NOVA2: variants seen among roughly 807,000 people sequenced by gnomAD.
The protein encoded by NOVA2 is RNA-binding protein Nova-2.
NOVA2 carries 9 observed loss-of-function variants against 22.5 expected under a neutral mutation model. The ratio of observed to expected loss-of-function variants is 0.40; its 90% CI spans 0.24 to 0.70. The LOEUF is 0.70. Among genes scored for constraint, NOVA2 ranks in the 30% least tolerant of loss-of-function variants. The pLI, the probability that NOVA2 is intolerant of heterozygous loss-of-function variation, is 0.38. For missense variants in NOVA2, 383 were observed against 682.8 expected, an observed-to-expected ratio of 0.56 and a Z score of 4.89; for synonymous variants, 318 against 335.2, an observed-to-expected ratio of 0.95 and a Z score of 0.56.
intron 1 of NOVA2, among the ~76,000 whole-genome samples, chr19:45,966,201 T>G (rs137884474): frequency 6.6e-6 from 1 of 152,308 alleles, no homozygotes; most frequent in African/African-American, 2.4e-5. Flanking sequence ...CTCTAATTCC[T>G]GTCTTTCTCA....
intron 3 of NOVA2, among the ~76,000 whole-genome samples, chr19:45,945,336 T>C (rs761394613): frequency 1.3e-5 from 2 of 152,152 alleles, no homozygotes; most frequent in Non-Finnish European, 2.9e-5. Context: ...AAAGGATTTA[T>C]TTTGAAGGCA....
rs139482457 is a variant in NOVA2 at position 45,948,337 on chromosome 19, T to C, written c.396+5443A>G. Among the ~76,000 whole-genome samples the C allele has an allele frequency of 1.9e-4, 29 of 152,236 alleles. No individual in the cohort carries two copies. In the East Asian group the frequency reaches 3.9e-3, roughly 20 times the overall value. On this transcript the variant is annotated intron_variant, in intron 3 of 3. Transcript: ENST00000263257. ...ATTGTCAGCCGGGCGTGGGGGCTCA[T>C]GCCTGTAATCCCAGAACTTTGGGAG...
chr19:45,945,729 G>A (rs920360648), intron 3 of NOVA2, among the ~76,000 whole-genome samples: 1 of 152,154 alleles, frequency 6.6e-6, no homozygotes, highest in African/African-American at 2.4e-5. Flanking sequence ...ATTTCAGAGA[G>A]TCAAGTGAAC....
rs111991938 is a variant in NOVA2, at chr19:45,954,577, G to A, written c.230-631C>T. On this transcript the variant is annotated intron_variant, in intron 2 of 3. Transcript: ENST00000263257. Reference sequence around the variant, plus strand: ...GAACCCACCAGATGGAGGGCTGAGGGGTGGGGGAGGGCAGGGGTGTGGACA... The same window carrying A: ...GAACCCACCAGATGGAGGGCTGAGGAGTGGGGGAGGGCAGGGGTGTGGACA... Among the ~76,000 whole-genome samples the A allele has an allele frequency of 7.7e-3, 1,175 of 152,102 alleles. 19 individuals carry two copies. The highest frequency in any genetic ancestry group is 0.027 in the African/African-American group (1,127 of 41,452).
chr19:45,963,048 A>G (rs1018158149), intron 1 of NOVA2, among the ~76,000 whole-genome samples: 7 of 151,972 alleles, frequency 4.6e-5, no homozygotes, highest in Non-Finnish European at 7.4e-5. Context: ...ACGTGCCTCC[A>G]GGATGGAAAT....
At position 45,940,599 on chromosome 19, in the gene NOVA2, G is replaced by C; in HGVS notation, c.743C>G (p.Ala248Gly). Residue 248 changes from alanine (A) to glycine (G), a missense_variant, in exon 4 of 4, where the codon GCC (alanine) becomes GGC (glycine). Physicochemically the swap from Ala to Gly is moderately conservative, Grantham distance 60. Coordinates refer to ENST00000263257, the MANE Select transcript of NOVA2 (RefSeq NM_002516.4). ...LPAAAAASAAAASGLLGPAGL... is the reference protein window; with the variant it reads ...LPAAAAASAAGASGLLGPAGL... Reference sequence around the variant, plus strand: ...GGCGGGGCCCAGCAGGCCGGAGGCGGCGGCGGCCGACGCTGCGGCCGCGGC... The same window carrying C: ...GGCGGGGCCCAGCAGGCCGGAGGCGCCGGCGGCCGACGCTGCGGCCGCGGC... 1 of 1,421,922 alleles carries C rather than the reference G, an allele frequency of 7.0e-7. No homozygotes were observed. The highest frequency in any genetic ancestry group is 9.1e-7 in the Non-Finnish European group (1 of 1,100,242). The allele number at this position is 1,421,922 out of a possible 1,614,324, so 88.1% of individuals were successfully genotyped here.
Position 45,973,307 on chromosome 19 carries a change from C to T in NOVA2, c.45G>A (p.Thr15=). 1 of 1,332,546 alleles carries T rather than the reference C, an allele frequency of 7.5e-7. No individual in the cohort carries two copies. The highest frequency in any genetic ancestry group is 9.7e-7 in the Non-Finnish European group (1 of 1,034,390). The allele number at this position is 1,332,546 out of a possible 1,614,324, so 82.5% of individuals were successfully genotyped here. Residue 15 remains threonine, a synonymous_variant, in exon 1 of 4, where the codon ACG becomes ACA. Coordinates refer to ENST00000263257, the MANE Select transcript of NOVA2 (RefSeq NM_002516.4). ...GCTTGGTGCAGACCACCTCGGGGGG[C>T]GTTTCGAGGGGCCTCTTGCGGGAAT... ...APDSRKRPLE[T]PPEVVCTKRS...
At chr19:45,968,501 G>A (rs1246146596) in intron 1 of NOVA2, among the ~76,000 whole-genome samples, 1 of 152,068 alleles carries the variant, frequency 6.6e-6, no homozygotes. Context: ...CTAAGTGAAA[G>A]AAAGGCAGAT....
intron 3 of NOVA2, among the ~76,000 whole-genome samples, chr19:45,952,071 A>G (rs549688909): frequency 3.3e-5 from 5 of 152,268 alleles, no homozygotes; most frequent in African/African-American, 1.2e-4. Context: ...GCTGCACTGT[A>G]ATAAAAGAGA....
Position 45,964,348 on chromosome 19 carries a change from TTGTGTGTGTGTGTGTGTGTG to T in NOVA2, c.86-3215_86-3196del, listed in dbSNP as rs57818599. Among the ~76,000 whole-genome samples the T allele has an allele frequency of 1.7e-3, 201 of 119,570 alleles. 3 individuals carry two copies. The highest frequency in any genetic ancestry group is 5.3e-3 in the African/African-American group (161 of 30,642). 78.4% of individuals were successfully genotyped at this position (119,570 alleles called of 152,430 possible). ...GTGCCCACAACCATGCCCGGCTAAT[TTGTGTGTGTGTGTGTGTGTG>T]TGTGTGTGTGTGTGTGTGTGTGTGT... is the stretch of plus-strand genomic sequence containing the variant. On this transcript the variant is annotated intron_variant, in intron 1 of 3. Transcript: ENST00000263257.
intron 1 of NOVA2, among the ~76,000 whole-genome samples, chr19:45,968,426 T>C (rs1375104094): frequency 6.6e-6 from 1 of 151,966 alleles, no homozygotes; most frequent in Non-Finnish European, 1.5e-5. Context: ...GCAATACAAC[T>C]AGAGTGTGCT....
intron 2 of NOVA2, 47 bp from the exon 3 acceptor site, chr19:45,953,993 G>A (rs1406596163): frequency 2.5e-6 from 4 of 1,580,318 alleles, no homozygotes; most frequent in East Asian, 2.2e-5. Context: ...ACAGGAATGG[G>A]AACATTCCTG....
At chr19:45,961,246 G>T in intron 1 of NOVA2, 93 bp from the exon 2 acceptor site, 2 of 746,028 alleles carry the variant, frequency 2.7e-6, no homozygotes, top group Non-Finnish European at 4.4e-6. Flanking sequence ...GGTCACAGTA[G>T]CAGTATGGAG....
At chr19:45,957,153 G>T (rs1236120314) in intron 2 of NOVA2, among the ~76,000 whole-genome samples, 1 of 152,164 alleles carries the variant, frequency 6.6e-6, no homozygotes, top group East Asian at 1.9e-4. Flanking sequence ...GCTCATGCCT[G>T]CAATCCCATC....
intron 3 of NOVA2, among the ~76,000 whole-genome samples, chr19:45,944,570 C>T (rs1967809984): frequency 6.6e-6 from 1 of 152,190 alleles, no homozygotes; most frequent in Non-Finnish European, 1.5e-5. Flanking sequence ...ATAAATAAAA[C>T]ATGGTATATC....
intron 3 of NOVA2, among the ~76,000 whole-genome samples, chr19:45,949,226 C>T (rs987447873): frequency 5.3e-5 from 8 of 150,626 alleles, no homozygotes; most frequent in African/African-American, 7.3e-5. Context: ...AACTGATGTA[C>T]GACTCTGTGA....
chr19:45,956,816 C>T (rs1352333489), intron 2 of NOVA2, among the ~76,000 whole-genome samples: 1 of 152,172 alleles, frequency 6.6e-6, no homozygotes, highest in Non-Finnish European at 1.5e-5. Flanking sequence ...ATTATTGTCC[C>T]TGATTCCCTG....
chr19:45,940,067 C>A lies in NOVA2; in HGVS notation c.1275G>T (p.Gly425=). 1 of 1,614,052 alleles carries A rather than the reference C, an allele frequency of 6.2e-7. No homozygotes were observed. The highest frequency in any genetic ancestry group is 8.5e-7 in the Non-Finnish European group (1 of 1,179,968). Residue 425 remains glycine, a synonymous_variant, in exon 4 of 4, where the codon GGG becomes GGT. Coordinates refer to ENST00000263257, the MANE Select transcript of NOVA2 (RefSeq NM_002516.4). ...CCTGGTACTCCACCAACGTCTTGCC[C>A]CCCTTCCCCAGGATGGCTCCCACCA... ...ENLVGAILGK[G]GKTLVEYQEL... is the part of the protein sequence containing the mutation.
chr19:45,949,634 C>A (rs999527392), intron 3 of NOVA2, among the ~76,000 whole-genome samples: 2 of 151,988 alleles, frequency 1.3e-5, no homozygotes, highest in Admixed American at 6.6e-5. Context: ...CCGATCCATA[C>A]GATTTGTGCA....
Sources: gnomAD v4.1 joint callset for allele counts (sites outside exome capture counted in the v4.1 genomes callset) on GRCh38, gnomAD v4.1.1 for gene constraint, MANE v1.5 for transcripts, NCBI Gene and HGNC (gene_info 2026-07-23, HGNC 2026-07-21) for gene names.